The following COX10 variants were observed in gnomAD, a reference collection of about 807,000 sequenced individuals.
COX10 encodes the protein protoheme IX farnesyltransferase, mitochondrial.
A neutral mutation model predicts 37.3 loss-of-function variants in COX10; 27 were observed. The observed-to-expected ratio is 0.72, with a 90% CI of 0.53 to 1.00. The LOEUF (loss-of-function observed/expected upper bound fraction) is 1.00, where lower values mean the gene tolerates loss of function less well. COX10 is among the 50% of genes least tolerant of loss of function. COX10 has a pLI of 0.00. For synonymous variants in COX10, 222 were observed against 229.1 expected, an observed-to-expected ratio of 0.97 and a Z score of 0.28; for missense variants, 475 against 563.2, an observed-to-expected ratio of 0.84 and a Z score of 1.59.
At position 14,178,070 on chromosome 17, in the gene COX10, T is replaced by A. The variant is rs1323761785; in HGVS notation, c.696-13919T>A. On this transcript the variant is annotated intron_variant, in intron 5 of 6. Coordinates refer to ENST00000261643, the MANE Select transcript of COX10 (RefSeq NM_001303.4). ...TATCATCACTAGTAACTCCCTTCCC[T>A]GTACCTCTTACACATCACACAGGCA... 7.4e-5 allele frequency among the ~76,000 whole-genome samples: 5 copies of A among 67,286 alleles called. 1 individual carries two copies. Among genetic ancestry groups the A allele is most frequent in the Non-Finnish European group, 1.7e-4 (5 of 29,372 alleles). 44.1% of individuals were successfully genotyped at this position (67,286 alleles called of 152,430 possible). A position where few individuals can be genotyped will look rare whatever the true frequency, so the allele number is the denominator to read the frequency against.
chr17:14,117,749 T>G (rs541154126), intron 4 of COX10, among the ~76,000 whole-genome samples: 4 of 152,322 alleles, frequency 2.6e-5, no homozygotes, highest in African/African-American at 9.6e-5. Context: ...TACTTTGCTG[T>G]CTGCAGGCGG....
intron 4 of COX10, among the ~76,000 whole-genome samples, chr17:14,143,690 G>A (rs1904616682): frequency 6.6e-6 from 1 of 152,130 alleles, no homozygotes; most frequent in Non-Finnish European, 1.5e-5. Flanking sequence ...CTTTCAGGGT[G>A]TTATTGAACA....
chr17:14,196,607 T>C (rs1906373977), intron 6 of COX10, among the ~76,000 whole-genome samples: 1 of 152,138 alleles, frequency 6.6e-6, no homozygotes, highest in South Asian at 2.1e-4. Flanking sequence ...AACAGCAGGG[T>C]CATACATTTA....
intron 3 of COX10, among the ~76,000 whole-genome samples, chr17:14,079,661 A>C (rs1915235012): frequency 6.6e-6 from 1 of 152,178 alleles, no homozygotes; most frequent in South Asian, 2.1e-4. Flanking sequence ...CCATTAAATT[A>C]GTATAGGCTT....
intron 4 of COX10, among the ~76,000 whole-genome samples, chr17:14,126,482 C>T (rs779468008): frequency 7.9e-5 from 12 of 152,150 alleles, no homozygotes; most frequent in Non-Finnish European, 1.6e-4. Flanking sequence ...AAAACTAAAA[C>T]TCTTTTCTCT....
intron 5 of COX10, among the ~76,000 whole-genome samples, chr17:14,186,070 T>C (rs370423974): frequency 1.4e-4 from 22 of 151,796 alleles, no homozygotes; most frequent in Admixed American, 6.6e-4. Context: ...AATTATGTGG[T>C]GGTGTGCCCA....
intron 6 of COX10, among the ~76,000 whole-genome samples, chr17:14,199,203 T>A (rs2142267880): frequency 6.6e-6 from 1 of 152,288 alleles, no homozygotes; most frequent in South Asian, 2.1e-4. Context: ...TGACCATAAT[T>A]GATCACAAGC....
chr17:14,110,400 A>G (rs753809651), intron 4 of COX10, among the ~76,000 whole-genome samples: 5 of 152,074 alleles, frequency 3.3e-5, no homozygotes, highest in Non-Finnish European at 7.4e-5. Context: ...AATCAAAGAA[A>G]TGTTGGTGGA....
intron 4 of COX10, among the ~76,000 whole-genome samples, chr17:14,144,056 GT>G (rs1904633368): frequency 6.6e-6 from 1 of 152,102 alleles, no homozygotes; most frequent in Admixed American, 6.6e-5. Context: ...TTGCTTTATA[GT>G]TCAGAATTTT....
chr17:14,192,398 C>G (rs1215013181), intron 6 of COX10, among the ~76,000 whole-genome samples, 177 bp downstream of exon 6: 2 of 152,172 alleles, frequency 1.3e-5, no homozygotes, highest in Non-Finnish European at 2.9e-5. Context: ...ACCGTGTCAT[C>G]CTGGCTGGTG....
intron 4 of COX10, among the ~76,000 whole-genome samples, chr17:14,111,912 A>G (rs1026367838): frequency 6.6e-6 from 1 of 152,162 alleles, no homozygotes; most frequent in African/African-American, 2.4e-5. Flanking sequence ...TCTGACCTTA[A>G]GAACATACCA....
At chr17:14,154,971 T>G (rs1905001694) in intron 4 of COX10, among the ~76,000 whole-genome samples, 3 of 152,200 alleles carry the variant, frequency 2.0e-5, no homozygotes, top group Admixed American at 2.0e-4. Context: ...TTTGAATAAC[T>G]TTCAAAGAAT....
intron 3 of COX10, among the ~76,000 whole-genome samples, chr17:14,092,845 T>C (rs1299091938): frequency 6.6e-6 from 1 of 152,202 alleles, no homozygotes; most frequent in African/African-American, 2.4e-5. Flanking sequence ...AATTAAGTTA[T>C]ATAATTTTGA....
chr17:14,114,428 T>G lies in COX10; in HGVS notation c.624+12186T>G, dbSNP rs964144175. Among the ~76,000 whole-genome samples the G allele has an allele frequency of 2.0e-5, 3 of 152,294 alleles. No individual in the cohort carries two copies. The East Asian group carries it at 5.8e-4, about 29-fold the overall frequency. Reference sequence around the variant, plus strand: ...TCATCATTTCTATCAAGTTGAAATCTCAATAGTAATTGAACATAGAATTCG... The same window carrying G: ...TCATCATTTCTATCAAGTTGAAATCGCAATAGTAATTGAACATAGAATTCG... On this transcript the variant is annotated intron_variant, in intron 4 of 6. Transcript: ENST00000261643.
rs1915037425 is a variant in COX10 at position 14,072,095 on chromosome 17, G to T, written c.44-2228G>T. Among the ~76,000 whole-genome samples the T allele has an allele frequency of 1.3e-5, 2 of 152,124 alleles. 1 individual carries two copies. Among genetic ancestry groups the T allele is most frequent in the Admixed American group, 1.3e-4 (2 of 15,268 alleles). On this transcript the variant is annotated intron_variant, in intron 1 of 6. Coordinates refer to ENST00000261643, the MANE Select transcript of COX10 (RefSeq NM_001303.4). ...ACATTTGTTTACACAAGGCTGAAATGTCTTTCAGTTTCTAGGCACTGATTC... is the reference window on the plus strand; with the variant it reads ...ACATTTGTTTACACAAGGCTGAAATTTCTTTCAGTTTCTAGGCACTGATTC...
At chr17:14,117,600 C>G (rs574560121) in intron 4 of COX10, among the ~76,000 whole-genome samples, 1 of 152,302 alleles carries the variant, frequency 6.6e-6, no homozygotes, top group South Asian at 2.1e-4. Context: ...ACCTGCTGCT[C>G]AAACCCGGAG....
At chr17:14,110,890 G>A (rs934145679) in intron 4 of COX10, among the ~76,000 whole-genome samples, 4 of 152,014 alleles carry the variant, frequency 2.6e-5, no homozygotes, top group African/African-American at 9.7e-5. Context: ...TGAACATTTC[G>A]ATGCCTTCAT....
intron 4 of COX10, among the ~76,000 whole-genome samples, chr17:14,105,321 C>T (rs867191564): frequency 6.6e-6 from 1 of 152,100 alleles, no homozygotes; most frequent in African/African-American, 2.4e-5. Flanking sequence ...CAGCTTTTTG[C>T]TTCTATAAGT....
At chr17:14,169,937 C>T (rs1364685545) in intron 5 of COX10, among the ~76,000 whole-genome samples, 1 of 152,132 alleles carries the variant, frequency 6.6e-6, no homozygotes, top group Non-Finnish European at 1.5e-5. Flanking sequence ...CATTCCTGCT[C>T]TCAGGAGACT....
Sources: gnomAD v4.1 joint callset for allele counts (sites outside exome capture counted in the v4.1 genomes callset) on GRCh38, gnomAD v4.1.1 for gene constraint, MANE v1.5 for transcripts, NCBI Gene and HGNC (gene_info 2026-07-23, HGNC 2026-07-21) for gene names.